ADAMTSL1: variants seen among roughly 807,000 people sequenced by gnomAD.
ADAMTSL1 encodes the protein ADAMTS like 1, also known as ADAMTS-like protein 1.
ADAMTSL1 carries 126 observed loss-of-function variants against 201.8 expected under a neutral mutation model. That is an observed-to-expected ratio of 0.62 (90% CI 0.54 to 0.72). ADAMTSL1 has a LOEUF of 0.72. Ranked by LOEUF, ADAMTSL1 falls within the 30% of genes least tolerant of loss-of-function variation. The pLI is 0.00. For synonymous variants in ADAMTSL1, 1,121 were observed against 903.4 expected (o/e 1.24, Z -4.32); for missense variants, 2,679 against 2,277.8 (o/e 1.18, Z -3.59).
chr9:18,286,741 G>C (rs868663223), intron 2 of ADAMTSL1, among the ~76,000 whole-genome samples: 2 of 54,602 alleles, frequency 3.7e-5, no homozygotes, highest in Non-Finnish European at 5.1e-5. Context: ...CCATAGAAGA[G>C]AACACATTTC....
intron 1 of ADAMTSL1, among the ~76,000 whole-genome samples, chr9:18,059,170 T>C (rs1822336888): frequency 6.6e-6 from 1 of 152,182 alleles, no homozygotes; most frequent in South Asian, 2.1e-4. Context: ...CACGAACTCC[T>C]GGTATGAAAT....
At chr9:18,847,282 T>C (rs374377349) in intron 23 of ADAMTSL1, among the ~76,000 whole-genome samples, 154 of 152,224 alleles carry the variant, frequency 1.0e-3, no homozygotes, top group African/African-American at 3.4e-3. Flanking sequence ...ACAGAGGAAC[T>C]GCTCAAGCTC....
chr9:18,354,429 T>A (rs1836119144), intron 2 of ADAMTSL1, among the ~76,000 whole-genome samples: 1 of 152,132 alleles, frequency 6.6e-6, no homozygotes, highest in Non-Finnish European at 1.5e-5. Flanking sequence ...ACATATGGAG[T>A]GTAATTCATA....
At chr9:18,377,171 C>G (rs528274841) in intron 2 of ADAMTSL1, among the ~76,000 whole-genome samples, 4 of 152,142 alleles carry the variant, frequency 2.6e-5, no homozygotes, top group Non-Finnish European at 5.9e-5. Flanking sequence ...GGTTCAAGCC[C>G]TCTCGCGTCA....
chr9:18,132,670 A>G (rs1046969700), intron 1 of ADAMTSL1, among the ~76,000 whole-genome samples: 3 of 152,166 alleles, frequency 2.0e-5, no homozygotes, highest in South Asian at 2.1e-4. Flanking sequence ...TCTATCATGT[A>G]TGTTACTTTG....
intron 2 of ADAMTSL1, among the ~76,000 whole-genome samples, chr9:18,229,884 A>G (rs1387846241): frequency 6.6e-6 from 1 of 151,944 alleles, no homozygotes; most frequent in African/African-American, 2.4e-5. Context: ...TTTAGTAGAG[A>G]TGGGCTTTCA....
At chr9:18,375,184 G>C (rs1837232536) in intron 2 of ADAMTSL1, among the ~76,000 whole-genome samples, 1 of 152,286 alleles carries the variant, frequency 6.6e-6, no homozygotes. Context: ...TTCCGCATTA[G>C]GAGAAATGAA....
chr9:18,332,315 T>C (rs893667239), intron 2 of ADAMTSL1, among the ~76,000 whole-genome samples: 1 of 152,184 alleles, frequency 6.6e-6, no homozygotes, highest in African/African-American at 2.4e-5. Context: ...TAGGGATGGG[T>C]ATGTTAATTA....
chr9:18,451,281 C>T (rs1184692313), intron 2 of ADAMTSL1, among the ~76,000 whole-genome samples: 4 of 152,142 alleles, frequency 2.6e-5, no homozygotes, highest in African/African-American at 9.7e-5. Context: ...TACTAGTATA[C>T]CAATTTTTAT....
intron 4 of ADAMTSL1, among the ~76,000 whole-genome samples, chr9:18,583,117 G>C (rs1823223627): frequency 6.6e-6 from 1 of 152,192 alleles, no homozygotes. Context: ...TACCAGTAGA[G>C]GAGGGTGCTG....
At chr9:18,739,600 A>T (rs2133538350) in intron 15 of ADAMTSL1, among the ~76,000 whole-genome samples, 1 of 152,350 alleles carries the variant, frequency 6.6e-6, no homozygotes, top group South Asian at 2.1e-4. Flanking sequence ...AAAGAGTAAA[A>T]CATGCATTCT....
chr9:18,005,699 G>A (rs1021955532), intron 1 of ADAMTSL1, among the ~76,000 whole-genome samples: 1 of 152,072 alleles, frequency 6.6e-6, no homozygotes, highest in Admixed American at 6.6e-5. Flanking sequence ...GAAAAAGTGA[G>A]TGATAGGAGT....
chr9:18,105,860 C>T (rs1295156352), intron 1 of ADAMTSL1, among the ~76,000 whole-genome samples: 2 of 152,172 alleles, frequency 1.3e-5, no homozygotes, highest in Non-Finnish European at 2.9e-5. Context: ...GAACAAAAAA[C>T]ACAGGCCCAC....
chr9:18,882,388 C>T (rs992208276), intron 23 of ADAMTSL1, among the ~76,000 whole-genome samples: 14 of 152,098 alleles, frequency 9.2e-5, no homozygotes, highest in African/African-American at 3.1e-4. Context: ...TTGCCTATTT[C>T]AGTCAGGCTA....
intron 23 of ADAMTSL1, among the ~76,000 whole-genome samples, chr9:18,885,537 A>C (rs1232653236): frequency 6.6e-6 from 1 of 152,222 alleles, no homozygotes; most frequent in Non-Finnish European, 1.5e-5. Context: ...GGCCAAAGCC[A>C]AGAGGGGGAA....
At chr9:18,530,519 A>G (rs1416766769) in intron 2 of ADAMTSL1, among the ~76,000 whole-genome samples, 2 of 152,106 alleles carry the variant, frequency 1.3e-5, no homozygotes, top group Non-Finnish European at 2.9e-5. Flanking sequence ...ACCTACTGCA[A>G]TTCCCCACAT....
intron 2 of ADAMTSL1, among the ~76,000 whole-genome samples, chr9:18,181,836 A>G (rs1828493086): frequency 6.6e-6 from 1 of 152,110 alleles, no homozygotes; most frequent in Non-Finnish European, 1.5e-5. Context: ...ACACATGCAC[A>G]CGTATGTTTA....
At chr9:18,074,994 A>G (rs564166862) in intron 1 of ADAMTSL1, among the ~76,000 whole-genome samples, 6 of 152,136 alleles carry the variant, frequency 3.9e-5, no homozygotes, top group East Asian at 1.9e-4. Context: ...TTTTATACCT[A>G]TATTCCTTAT....
At chr9:18,126,788 A>G (rs546155213) in intron 1 of ADAMTSL1, among the ~76,000 whole-genome samples, 2 of 152,304 alleles carry the variant, frequency 1.3e-5, no homozygotes, top group African/African-American at 2.4e-5. Flanking sequence ...TTAATTAGTT[A>G]TCTCTAAATC....
Sources: allele counts gnomAD v4.1 joint callset (sites outside exome capture counted in the v4.1 genomes callset), GRCh38; gene constraint gnomAD v4.1.1; transcripts MANE v1.5; gene names NCBI Gene and HGNC (gene_info 2026-07-23, HGNC 2026-07-21).